Variants in WDR70 observed in about 807,000 individuals in gnomAD.
WDR70 encodes the protein WD repeat-containing protein 70.
Under a neutral mutation model 88.6 loss-of-function variants are expected in WDR70, and 53 were observed. That is an observed-to-expected ratio of 0.60 (90% CI 0.48 to 0.75). The LOEUF is 0.75. Ranked by LOEUF, WDR70 falls within the 30% of genes least tolerant of loss-of-function variation. WDR70 has a pLI of 0.00. For missense variants in WDR70, 610 were observed against 823.2 expected (o/e 0.74, Z 3.17); for synonymous variants, 280 against 270.0 (o/e 1.04, Z -0.36).
At chr5:37,623,080 C>G (rs565832023) in intron 10 of WDR70, among the ~76,000 whole-genome samples, 1 of 151,982 alleles carries the variant, frequency 6.6e-6, no homozygotes, top group Non-Finnish European at 1.5e-5. Flanking sequence ...AAAGTTATGG[C>G]GGTATTAAAG....
chr5:37,438,013 C>A (rs1466732003), intron 6 of WDR70, 32 bp downstream of exon 6: 2 of 1,574,058 alleles, frequency 1.3e-6, no homozygotes, highest in Admixed American at 1.8e-5. Flanking sequence ...TTTCCTCTCT[C>A]AAATTACAGG....
chr5:37,384,169 C>G (rs1053758305), intron 3 of WDR70, among the ~76,000 whole-genome samples: 22 of 116,458 alleles, frequency 1.9e-4, no homozygotes, highest in Non-Finnish European at 3.0e-4. Flanking sequence ...CAGTACTTTC[C>G]CCCCTTTTTT....
intron 9 of WDR70, among the ~76,000 whole-genome samples, chr5:37,589,501 A>T (rs1743465753): frequency 6.6e-6 from 1 of 152,072 alleles, no homozygotes; most frequent in Admixed American, 6.6e-5. Context: ...GGTCACTTGG[A>T]ATAGAACTCT....
At chr5:37,544,248 G>C (rs1009112749) in intron 9 of WDR70, among the ~76,000 whole-genome samples, 2 of 152,186 alleles carry the variant, frequency 1.3e-5, no homozygotes, top group Non-Finnish European at 2.9e-5. Flanking sequence ...CATGGAGAAA[G>C]AGTTCTTTAG....
intron 9 of WDR70, among the ~76,000 whole-genome samples, chr5:37,534,590 T>C (rs1403057678): frequency 6.9e-6 from 1 of 143,990 alleles, no homozygotes; most frequent in African/African-American, 2.6e-5. Flanking sequence ...CTCCGCCCCC[T>C]GGGTTCAAGC....
At chr5:37,512,832 G>A (rs374709289) in intron 8 of WDR70, among the ~76,000 whole-genome samples, 22 of 152,120 alleles carry the variant, frequency 1.4e-4, no homozygotes, top group African/African-American at 5.3e-4. Flanking sequence ...CAATCCGCCT[G>A]TCTTGGCCTC....
rs140746345 is a variant in WDR70, at chr5:37,393,169, A to G, written c.296+1049A>G. Reference sequence around the variant, plus strand: ...GCAGTTCTCTGCCTCAGCCTTCTGAATAGCTGAGGTTACAGGTGCCCACCA... The same window carrying G: ...GCAGTTCTCTGCCTCAGCCTTCTGAGTAGCTGAGGTTACAGGTGCCCACCA... On this transcript the variant is annotated intron_variant, in intron 4 of 17. Transcript: ENST00000265107. Among the ~76,000 whole-genome samples, 4 of 151,940 alleles carry G rather than the reference A, an allele frequency of 2.6e-5. No homozygotes were observed. In the East Asian group the frequency reaches 7.8e-4, roughly 30 times the overall value.
chr5:37,494,467 G>T (rs759123904), intron 8 of WDR70, among the ~76,000 whole-genome samples: 1 of 152,096 alleles, frequency 6.6e-6, no homozygotes, highest in African/African-American at 2.4e-5. Flanking sequence ...GGGGGAGAAC[G>T]GGGGAGGTTA....
chr5:37,432,833 G>T (rs559625671), intron 5 of WDR70, among the ~76,000 whole-genome samples: 64 of 152,182 alleles, frequency 4.2e-4, no homozygotes, highest in African/African-American at 1.5e-3. Flanking sequence ...AAAGTGCTGG[G>T]ATTATAGGCG....
At chr5:37,387,045 G>A (rs1390442546) in intron 3 of WDR70, among the ~76,000 whole-genome samples, 1 of 151,596 alleles carries the variant, frequency 6.6e-6, no homozygotes, top group Non-Finnish European at 1.5e-5. Flanking sequence ...GTTGCAGTGA[G>A]CCTAGATCGT....
intron 14 of WDR70, 142 bp downstream of exon 14, chr5:37,721,357 C>A: frequency 2.9e-6 from 2 of 694,504 alleles, no homozygotes; most frequent in Non-Finnish European, 2.4e-6. Context: ...AGTAAAGCCT[C>A]AAACTCCTGG....
chr5:37,694,291 G>T (rs965195430), intron 10 of WDR70, among the ~76,000 whole-genome samples: 1 of 152,156 alleles, frequency 6.6e-6, no homozygotes, highest in Non-Finnish European at 1.5e-5. Flanking sequence ...ACAGTGTGGC[G>T]ATTCCTCAAG....
In WDR70 at chr5:37,703,074, A is replaced by G; in HGVS notation, c.1403A>G (p.Asp468Gly). 1.2e-6 allele frequency: 2 copies of G among 1,611,192 alleles called. No individual in the cohort carries two copies. The highest frequency in any genetic ancestry group is 1.7e-6 in the Non-Finnish European group (2 of 1,177,678). Residue 468 changes from aspartate (D) to glycine (G), a missense_variant, in exon 13 of 18, where the codon GAC becomes GGC. By Grantham distance (94) the Asp-to-Gly change is moderately conservative. This residue lies in a region of WDR70 where 254 missense variants were observed against 300.7 expected (regional missense o/e 0.84). Coordinates refer to ENST00000265107, the MANE Select transcript of WDR70 (RefSeq NM_018034.4). ...RRTFQRVYEI[D>G]ITDASVVRCL... ...ACTTTCCAAAGGGTGTATGAAATAG[A>G]CATCACAGATGCGGTACGTATATTC...
intron 9 of WDR70, among the ~76,000 whole-genome samples, chr5:37,553,356 G>A (rs150553776): frequency 6.6e-6 from 1 of 152,276 alleles, no homozygotes; most frequent in African/African-American, 2.4e-5. Context: ...CTTATCTTAA[G>A]CCCACAACCA....
chr5:37,604,461 G>GCT (rs2112474727), intron 9 of WDR70, among the ~76,000 whole-genome samples: 1 of 152,234 alleles, frequency 6.6e-6, no homozygotes, highest in Non-Finnish European at 1.5e-5. Flanking sequence ...TACTGACAGT[G>GCT]CTCCTTCGCT....
intron 13 of WDR70, among the ~76,000 whole-genome samples, chr5:37,719,135 A>G (rs1747732294): frequency 6.6e-6 from 1 of 152,090 alleles, no homozygotes; most frequent in Admixed American, 6.6e-5. Context: ...ATGTTTCCAT[A>G]TACCTGGCTG....
chr5:37,468,044 T>G (rs1739213288), intron 7 of WDR70, among the ~76,000 whole-genome samples: 2 of 151,838 alleles, frequency 1.3e-5, no homozygotes, highest in South Asian at 4.2e-4. Context: ...AGAGACGGGG[T>G]TTTACCATGT....
At chr5:37,635,830 T>C (rs1446059355) in intron 10 of WDR70, among the ~76,000 whole-genome samples, 1 of 151,998 alleles carries the variant, frequency 6.6e-6, no homozygotes, top group African/African-American at 2.4e-5. Context: ...CATGGGAGGG[T>C]GGGAGGTAAT....
At chr5:37,593,853 A>G (rs1743613873) in intron 9 of WDR70, among the ~76,000 whole-genome samples, 2 of 152,126 alleles carry the variant, frequency 1.3e-5, no homozygotes, top group South Asian at 2.1e-4. Flanking sequence ...TTACTGGCGT[A>G]AGATGGTATC....
Sources: gnomAD v4.1 joint callset for allele counts (sites outside exome capture counted in the v4.1 genomes callset) on GRCh38, gnomAD v4.1.1 for gene constraint, gnomAD v4.1.1 regional missense constraint, MANE v1.5 for transcripts, NCBI Gene and HGNC (gene_info 2026-07-23, HGNC 2026-07-21) for gene names.